Variants in DGCR2 observed in about 807,000 individuals in gnomAD.
DGCR2 encodes the protein integral membrane protein DGCR2/IDD.
A neutral mutation model predicts 51.6 loss-of-function variants in DGCR2; 24 were observed. The ratio of observed to expected loss-of-function variants is 0.47; its 90% CI spans 0.34 to 0.65. The LOEUF (loss-of-function observed/expected upper bound fraction) is 0.65. Ranked by LOEUF, DGCR2 falls within the 30% of genes least tolerant of loss-of-function variation. The probability of loss-of-function intolerance (pLI) is 0.01; values close to 1 mark genes in which losing one functional copy is unlikely to be tolerated. For synonymous variants in DGCR2, 340 were observed against 315.4 expected (o/e 1.08, Z -0.82); for missense variants, 765 against 772.1 (o/e 0.99, Z 0.11).
chr22:19,056,305 ACT>A (rs970769272), intron 6 of DGCR2: 29 of 205,804 alleles, frequency 1.4e-4, no homozygotes, highest in Admixed American at 8.0e-4. Context: ...ACAGAGCGAG[ACT>A]CTGTCCCAAA....
chr22:19,042,354 G>T (rs1397374499), intron 7 of DGCR2, among the ~76,000 whole-genome samples: 1 of 152,236 alleles, frequency 6.6e-6, no homozygotes, highest in Admixed American at 6.5e-5. Context: ...CTTTTCCAGG[G>T]GCCAGGGCTG....
At chr22:19,111,767 C>A (rs2854661) in intron 1 of DGCR2, among the ~76,000 whole-genome samples, 3 of 151,792 alleles carry the variant, frequency 2.0e-5, no homozygotes, top group Non-Finnish European at 4.4e-5. Flanking sequence ...GGAATGAGAC[C>A]CTGTTAAACC....
chr22:19,119,148 G>A (rs2083404631), intron 1 of DGCR2, among the ~76,000 whole-genome samples: 1 of 152,182 alleles, frequency 6.6e-6, no homozygotes, highest in Non-Finnish European at 1.5e-5. Context: ...GGCTCCACCT[G>A]GGGTTAAGGA....
chr22:19,077,831 T>C (rs35141714), intron 2 of DGCR2, among the ~76,000 whole-genome samples: 1 of 137,284 alleles, frequency 7.3e-6, no homozygotes, highest in Non-Finnish European at 1.5e-5. Flanking sequence ...TTTATTTTTG[T>C]CTTTTTTTTT....
At chr22:19,113,328 C>T (rs967518454) in intron 1 of DGCR2, among the ~76,000 whole-genome samples, 2 of 152,006 alleles carry the variant, frequency 1.3e-5, no homozygotes, top group African/African-American at 4.8e-5. Flanking sequence ...CGAGATCACC[C>T]CACTGCACTC....
At chr22:19,070,569 T>C (rs755075437) in intron 2 of DGCR2, among the ~76,000 whole-genome samples, 7 of 152,188 alleles carry the variant, frequency 4.6e-5, no homozygotes, top group African/African-American at 1.4e-4. Flanking sequence ...GGGACAGTGC[T>C]GCCAGGTCAC....
intron 2 of DGCR2, among the ~76,000 whole-genome samples, chr22:19,082,245 T>TTTC (rs1306338244): frequency 3.4e-5 from 5 of 147,350 alleles, no homozygotes; most frequent in African/African-American, 5.0e-5. Flanking sequence ...TTTTTTTTTT[T>TTTC]CATAGAGACA....
intron 9 of DGCR2, among the ~76,000 whole-genome samples, chr22:19,040,820 G>C (rs1488352026): frequency 6.6e-6 from 1 of 152,194 alleles, no homozygotes; most frequent in Non-Finnish European, 1.5e-5. Context: ...GGAGGTAGGA[G>C]GGAGGGGTCC....
intron 2 of DGCR2, among the ~76,000 whole-genome samples, chr22:19,083,242 G>A (rs1204766633): frequency 6.6e-6 from 1 of 152,208 alleles, no homozygotes; most frequent in African/African-American, 2.4e-5. Context: ...TGTTTGAAGA[G>A]TCTGCCCTTT....
intron 1 of DGCR2, among the ~76,000 whole-genome samples, chr22:19,093,842 A>C (rs77203611): frequency 0.011 from 1,655 of 152,148 alleles, 26 homozygotes; most frequent in African/African-American, 0.038. Context: ...ACATTACAAA[A>C]AAAAAACAAA....
rs945240985 is a variant in DGCR2, at chr22:19,039,260, C to A, written c.1397-139G>T. The A allele has an allele frequency of 4.7e-5, 49 of 1,049,996 alleles. No homozygotes were observed. In the African/African-American group the frequency reaches 7.6e-4, roughly 16 times the overall value. 65.0% of individuals were successfully genotyped at this position (1,049,996 alleles called of 1,614,324 possible). On this transcript the variant is annotated intron_variant, in intron 9 of 9. Transcript: ENST00000263196. ...TGGGTGGTGAGCAGGACCTGGGTGG[C>A]TCCCCCGGGCCTCAGATTTTGAAGG...
At chr22:19,042,935 C>T (rs142778545) in intron 7 of DGCR2, among the ~76,000 whole-genome samples, 20 of 152,256 alleles carry the variant, frequency 1.3e-4, no homozygotes, top group African/African-American at 4.3e-4. Context: ...CTGGCATACA[C>T]GTGCAGATGA....
At chr22:19,121,835 G>C (rs1036300796) in intron 1 of DGCR2, 1 of 223,978 alleles carries the variant, frequency 4.5e-6, no homozygotes, top group East Asian at 1.0e-4. Flanking sequence ...TCCGACGCTG[G>C]ACTGGCGAGA....
chr22:19,102,247 T>A (rs1230913352), intron 1 of DGCR2, among the ~76,000 whole-genome samples: 1 of 152,110 alleles, frequency 6.6e-6, no homozygotes, highest in Non-Finnish European at 1.5e-5. Flanking sequence ...GAAAGTAGAA[T>A]GGTGGTTGCC....
intron 2 of DGCR2, among the ~76,000 whole-genome samples, chr22:19,072,798 C>T (rs775068107): frequency 6.6e-6 from 1 of 152,112 alleles, no homozygotes; most frequent in Admixed American, 6.5e-5. Flanking sequence ...CACTTGAACC[C>T]GGGAGGCAGA....
chr22:19,045,994 C>T (rs181941909), intron 7 of DGCR2, among the ~76,000 whole-genome samples: 1 of 152,304 alleles, frequency 6.6e-6, no homozygotes, highest in East Asian at 1.9e-4. Context: ...TCCCAAAGTG[C>T]TGGGATTACA....
chr22:19,108,727 A>G (rs2083284977), intron 1 of DGCR2, among the ~76,000 whole-genome samples: 1 of 152,112 alleles, frequency 6.6e-6, no homozygotes, highest in Non-Finnish European at 1.5e-5. Flanking sequence ...ACCTTTCAAC[A>G]AATGGTACTA....
At chr22:19,060,482 GAGC>G (rs2082648769) in intron 5 of DGCR2, 1 of 157,526 alleles carries the variant, frequency 6.3e-6, no homozygotes. Flanking sequence ...AATCTTAAAT[GAGC>G]AAGTGACACA....
rs1480818465 is a variant in DGCR2, at chr22:19,102,226, T to G, written c.80-12736A>C. Among the ~76,000 whole-genome samples, 3 of 152,126 alleles carry G rather than the reference T, an allele frequency of 2.0e-5. No homozygotes were observed. The South Asian group carries it at 6.2e-4, about 32-fold the overall frequency. ...TAAGAAGTACCTACAGTAGTCAATT[T>G]AATAAGGATGGAAAGTAGAATGGTG... On this transcript the variant is annotated intron_variant, in intron 1 of 9. Coordinates refer to ENST00000263196, the MANE Select transcript of DGCR2 (RefSeq NM_005137.3).
Sources: gnomAD v4.1 joint callset for allele counts (sites outside exome capture counted in the v4.1 genomes callset) on GRCh38, gnomAD v4.1.1 for gene constraint, MANE v1.5 for transcripts, NCBI Gene and HGNC (gene_info 2026-07-23, HGNC 2026-07-21) for gene names.